Variants in FBXO34 observed in about 807,000 individuals in gnomAD.
FBXO34 encodes F-box only protein 34.
In FBXO34, 12 loss-of-function variants were observed where a neutral mutation model predicts 24.5. The observed-to-expected ratio is 0.49, with a 90% CI of 0.31 to 0.79. The LOEUF (loss-of-function observed/expected upper bound fraction) is 0.79, where lower values mean the gene tolerates loss of function less well. Ranked by LOEUF, FBXO34 falls within the 30% of genes least tolerant of loss-of-function variation. FBXO34 has a pLI of 0.04. For missense variants in FBXO34, 823 were observed against 857.7 expected (o/e 0.96, Z 0.51); for synonymous variants, 320 against 311.9 (o/e 1.03, Z -0.27).
At chr14:55,394,602 T>C in the FBXO34 span, among the ~76,000 whole-genome samples, 1 of 152,096 alleles carries the variant, frequency 6.6e-6, no homozygotes, top group Admixed American at 6.6e-5. Context: ...CACAGCACTG[T>C]ATCAAAGTTA....
chr14:55,275,570 G>A (rs10139678), intron 1 of FBXO34, among the ~76,000 whole-genome samples: 1 of 151,420 alleles, frequency 6.6e-6, no homozygotes, highest in Non-Finnish European at 1.5e-5. Flanking sequence ...ATCCCAGCAC[G>A]TTGGGAGGCT....
At chr14:55,383,785 T>C in the FBXO34 span, among the ~76,000 whole-genome samples, 1 of 151,444 alleles carries the variant, frequency 6.6e-6, no homozygotes, top group African/African-American at 2.4e-5. Context: ...AAACCCACCA[T>C]GAGAAGTCAC....
the FBXO34 span, among the ~76,000 whole-genome samples, chr14:55,412,294 G>A: frequency 1.3e-5 from 2 of 152,126 alleles, no homozygotes; most frequent in Admixed American, 6.5e-5. Flanking sequence ...TGTGACTTGG[G>A]GCAAGTTCCT....
chr14:55,281,966 C>T (rs533113019), intron 1 of FBXO34, among the ~76,000 whole-genome samples: 142 of 142,038 alleles, frequency 1.0e-3, no homozygotes, highest in African/African-American at 3.6e-3. Context: ...TTGTTTATTC[C>T]AGTAAGTTTC....
the FBXO34 span, among the ~76,000 whole-genome samples, chr14:55,418,582 G>A: frequency 6.6e-6 from 1 of 152,056 alleles, no homozygotes; most frequent in African/African-American, 2.4e-5. Flanking sequence ...CGTGTCTCTG[G>A]CCCACTCACT....
At chr14:55,293,641 G>T (rs970756293) in intron 1 of FBXO34, among the ~76,000 whole-genome samples, 2 of 151,830 alleles carry the variant, frequency 1.3e-5, no homozygotes, top group Admixed American at 6.6e-5. Context: ...ATAAGCCAAG[G>T]AGTAGGAAAA....
chr14:55,278,486 G>A, intron 1 of FBXO34, among the ~76,000 whole-genome samples: 1 of 152,230 alleles, frequency 6.6e-6, no homozygotes, highest in Non-Finnish European at 1.5e-5. Context: ...ATACTTGTGT[G>A]ATCAGACTTA....
the FBXO34 span, among the ~76,000 whole-genome samples, chr14:55,385,455 G>A: frequency 1.3e-5 from 2 of 152,188 alleles, no homozygotes; most frequent in African/African-American, 4.8e-5. Context: ...ACCACGCCTG[G>A]CTAATTTTTG....
downstream of FBXO34, among the ~76,000 whole-genome samples, chr14:55,355,780 T>A (rs944273377): frequency 3.9e-5 from 6 of 152,094 alleles, no homozygotes; most frequent in Non-Finnish European, 7.3e-5. Context: ...CACAACACAC[T>A]CTGTAAAATG....
chr14:55,365,314 T>C (rs1884656886), downstream of FBXO34, among the ~76,000 whole-genome samples: 1 of 151,698 alleles, frequency 6.6e-6, no homozygotes, highest in Non-Finnish European at 1.5e-5. Context: ...TCCTCCTGCC[T>C]TTGGCCTCCT....
At chr14:55,427,921 C>G in the FBXO34 span, among the ~76,000 whole-genome samples, 1 of 147,824 alleles carries the variant, frequency 6.8e-6, no homozygotes, top group Admixed American at 6.7e-5. Flanking sequence ...GGCTGTGGCC[C>G]GGGCTGGAGT....
chr14:55,284,381 T>A lies in FBXO34; in HGVS notation c.-11+12844T>A, dbSNP rs1007112193. Among the ~76,000 whole-genome samples the A allele has an allele frequency of 2.6e-5, 4 of 151,674 alleles. No individual in the cohort carries two copies. In the South Asian group the frequency reaches 8.3e-4, roughly 32 times the overall value. ...ATACAAAATTAGCCGGGCGTGGTGG[T>A]ACATGTCTGTAATCCCAGCTACTCG... On this transcript the variant is annotated intron_variant, in intron 1 of 1. Transcript: ENST00000313833.
At chr14:55,400,660 T>C in the FBXO34 span, among the ~76,000 whole-genome samples, 1 of 152,154 alleles carries the variant, frequency 6.6e-6, no homozygotes, top group Non-Finnish European at 1.5e-5. Flanking sequence ...CGCAGCACTT[T>C]GGGAGGCCAA....
At chr14:55,428,737 A>T in the FBXO34 span, 1 of 1,465,278 alleles carries the variant, frequency 6.8e-7, no homozygotes, top group Non-Finnish European at 9.2e-7. Context: ...AAGATACTTT[A>T]CGTAAGCAAC....
chr14:55,331,687 GTATATATA>G (rs199998638), intron 1 of FBXO34, among the ~76,000 whole-genome samples: 2 of 28,896 alleles, frequency 6.9e-5, no homozygotes, highest in Non-Finnish European at 1.1e-4. Flanking sequence ...ATATATATGT[GTATATATA>G]TATATATATG....
At chr14:55,394,605 CAA>C in the FBXO34 span, among the ~76,000 whole-genome samples, 1 of 152,102 alleles carries the variant, frequency 6.6e-6, no homozygotes, top group South Asian at 2.1e-4. Flanking sequence ...AGCACTGTAT[CAA>C]AGTTATTAGG....
chr14:55,428,918 C>A, the FBXO34 span: 1 of 1,614,152 alleles, frequency 6.2e-7, no homozygotes, highest in Non-Finnish European at 8.5e-7. Context: ...GGCAGGGAAC[C>A]CAAGCTTCTG....
chr14:55,282,430 G>T, intron 1 of FBXO34: 1 of 268,940 alleles, frequency 3.7e-6, no homozygotes, highest in Admixed American at 3.4e-5. Flanking sequence ...CTGCTGACAT[G>T]TTTTTTTCAT....
At chr14:55,283,942 C>CTGTGTGTGTG (rs376134482) in intron 1 of FBXO34, among the ~76,000 whole-genome samples, 24 of 130,888 alleles carry the variant, frequency 1.8e-4, no homozygotes, top group African/African-American at 3.1e-4. Context: ...CATTCTAAGA[C>CTGTGTGTGTG]TATGTGTGTG....
Sources: gnomAD v4.1 joint callset for allele counts (sites outside exome capture counted in the v4.1 genomes callset) on GRCh38, gnomAD v4.1.1 for gene constraint, MANE v1.5 for transcripts, NCBI Gene and HGNC (gene_info 2026-07-23, HGNC 2026-07-21) for gene names.